The following CERS4 variants were observed in gnomAD, a reference collection of about 807,000 sequenced individuals.
CERS4 encodes the protein LAG1 homolog, ceramide synthase 4.
In CERS4, 65 loss-of-function variants were observed where a neutral mutation model predicts 51.8. The ratio of observed to expected loss-of-function variants is 1.26; its 90% CI spans 1.03 to 1.54. The LOEUF (loss-of-function observed/expected upper bound fraction) is 1.54, where lower values mean the gene tolerates loss of function less well. Among genes scored for constraint, CERS4 ranks in the 40% most tolerant of loss-of-function variants. The pLI is 0.00. For missense variants in CERS4, 563 were observed against 500.4 expected (o/e 1.13, Z -1.19); for synonymous variants, 228 against 208.4 (o/e 1.09, Z -0.81).
At chr19:8,257,677 G>A (rs147110014) in intron 9 of CERS4, among the ~76,000 whole-genome samples, 4,444 of 152,276 alleles carry the variant, frequency 0.029, 92 homozygotes, top group Middle Eastern at 0.044. Flanking sequence ...TGATCTGCCT[G>A]CCTCAGCCTC....
At chr19:8,261,217 G>T in intron 10 of CERS4, 1 of 157,952 alleles carries the variant, frequency 6.3e-6, no homozygotes, top group Non-Finnish European at 1.4e-5. Flanking sequence ...TTTACTCCTT[G>T]GGAGATGAGG....
intron 7 of CERS4, 89 bp downstream of exon 7, chr19:8,256,375 A>T: frequency 7.1e-7 from 1 of 1,416,584 alleles, no homozygotes; most frequent in Non-Finnish European, 9.8e-7. Context: ...GAACCCTGAC[A>T]CTACACTGTC....
At chr19:8,217,580 AG>A (rs1210714764) in intron 2 of CERS4, among the ~76,000 whole-genome samples, 1 of 139,258 alleles carries the variant, frequency 7.2e-6, no homozygotes, top group Non-Finnish European at 1.5e-5. Flanking sequence ...TCTTTCACCC[AG>A]GCTGGAGTGC....
At chr19:8,245,326 T>C (rs1009797987) in intron 2 of CERS4, among the ~76,000 whole-genome samples, 10 of 151,978 alleles carry the variant, frequency 6.6e-5, no homozygotes, top group South Asian at 2.1e-4. Flanking sequence ...TCACAGCTCA[T>C]TGCAGCCCCA....
intron 2 of CERS4, among the ~76,000 whole-genome samples, chr19:8,222,711 G>A (rs548913755): frequency 1.0e-3 from 152 of 151,490 alleles, no homozygotes; most frequent in African/African-American, 3.6e-3. Flanking sequence ...TTGGTCAGGC[G>A]GATCTTGAAC....
intron 2 of CERS4, among the ~76,000 whole-genome samples, chr19:8,241,706 T>C (rs1340104602): frequency 6.6e-6 from 1 of 152,140 alleles, no homozygotes; most frequent in Non-Finnish European, 1.5e-5. Context: ...GAGGCACAGA[T>C]AGGCCACGTT....
At chr19:8,256,395 T>G in intron 7 of CERS4, 109 bp downstream of exon 7, 1 of 1,273,670 alleles carries the variant, frequency 7.9e-7, no homozygotes, top group Non-Finnish European at 1.1e-6. Flanking sequence ...CATTCCCCAC[T>G]GAGTCCCACG....
At chr19:8,255,920 T>C in intron 6 of CERS4, 41 bp downstream of exon 6, 1 of 1,603,528 alleles carries the variant, frequency 6.2e-7, no homozygotes, top group South Asian at 1.1e-5. Flanking sequence ...ACCTGCCCCA[T>C]CCACCTGGCC....
chr19:8,257,177 G>A lies in CERS4; in HGVS notation c.741+100G>A, dbSNP rs192989328. The A allele has an allele frequency of 6.9e-4, 888 of 1,279,092 alleles. 9 individuals carry two copies. The African/African-American group carries it at 0.011, about 16-fold the overall frequency. The allele number at this position is 1,279,092 out of a possible 1,614,324, so 79.2% of individuals were successfully genotyped here. A position where few individuals can be genotyped will look rare whatever the true frequency, so the allele number is the denominator to read the frequency against. On this transcript the variant is annotated intron_variant, in intron 9 of 11. Coordinates refer to ENST00000251363, the MANE Select transcript of CERS4 (RefSeq NM_024552.3). ...ATTCCTCCCAACCTTCCTGGGAGAT[G>A]GAGCCCCACCCCTCCTGTCTTTCTC...
At chr19:8,255,238 C>G (rs1969314143) in intron 4 of CERS4, among the ~76,000 whole-genome samples, 1 of 152,148 alleles carries the variant, frequency 6.6e-6, no homozygotes, top group African/African-American at 2.4e-5. Flanking sequence ...TTTCCCTCTT[C>G]AGGTAGGGCT....
intron 2 of CERS4, among the ~76,000 whole-genome samples, chr19:8,231,851 A>ATTTTTTTTTTTTTTTTTTTTTTTTTTT (rs3042169): frequency 1.9e-5 from 2 of 104,410 alleles, no homozygotes; most frequent in African/African-American, 4.2e-5. Context: ...TGTGCCCAGC[A>ATTTTTTTTTTTTTTTTTTTTTTTTTTT]TTTTTTTTTT....
Position 8,261,851 on chromosome 19 carries a change from C to T in CERS4, c.1005+7C>T, listed in dbSNP as rs182711160. On this transcript the variant is annotated splice_region_variant and intron_variant, in intron 11 of 11. Transcript: ENST00000251363. Reference sequence around the variant, plus strand: ...CTTCATGAAGAAGGGCCAGGTATGGCTGGACCTCCCCGGGGGCCCCAGCCC... The same window carrying T: ...CTTCATGAAGAAGGGCCAGGTATGGTTGGACCTCCCCGGGGGCCCCAGCCC... The T allele has an allele frequency of 1.9e-5, 31 of 1,614,054 alleles. No homozygotes were observed. In the East Asian group the frequency reaches 6.7e-4, roughly 35 times the overall value.
At position 8,249,168 on chromosome 19, in the gene CERS4, T is replaced by C. The variant is rs547819538; in HGVS notation, c.-1-1908T>C. 4.8e-3 allele frequency among the ~76,000 whole-genome samples: 687 copies of C among 143,910 alleles called. 6 individuals are homozygous for C. Among genetic ancestry groups the C allele is most frequent in the African/African-American group, 0.017 (666 of 38,962 alleles). 94.4% of individuals were successfully genotyped at this position (143,910 alleles called of 152,430 possible). ...GATGTTTGGATGGGTGGATGGATGA[T>C]GGGTGGGTGGACAGATGTTTGGATG... is the stretch of plus-strand genomic sequence containing the variant. On this transcript the variant is annotated intron_variant, in intron 2 of 11. Coordinates refer to ENST00000251363, the MANE Select transcript of CERS4 (RefSeq NM_024552.3).
intron 2 of CERS4, among the ~76,000 whole-genome samples, chr19:8,236,702 G>A (rs57045033): frequency 0.13 from 3,117 of 23,800 alleles, 155 homozygotes; most frequent in African/African-American, 0.25. Flanking sequence ...AAAAAAAAAA[G>A]AAAGAAAGAA....
chr19:8,245,127 A>AC (rs1198999411), intron 2 of CERS4, among the ~76,000 whole-genome samples: 3 of 142,180 alleles, frequency 2.1e-5, no homozygotes, highest in Admixed American at 6.8e-5. Flanking sequence ...AAAAAAAAAA[A>AC]AAAAAAAACA....
chr19:8,216,830 T>C (rs1205372132), intron 2 of CERS4, among the ~76,000 whole-genome samples: 1 of 151,844 alleles, frequency 6.6e-6, no homozygotes. Context: ...GCGGATGGCG[T>C]TGGGGGTAGC....
chr19:8,248,753 TTGGATGGATGGATGGATGATGGG>T (rs1968905685), intron 2 of CERS4, among the ~76,000 whole-genome samples: 1 of 146,916 alleles, frequency 6.8e-6, no homozygotes, highest in Non-Finnish European at 1.5e-5. Context: ...GGACAGGTGT[TTGGATGGATGGATGGATGATGGG>T]TGGATGGATG....
At chr19:8,234,720 A>T (rs1045380978) in intron 2 of CERS4, among the ~76,000 whole-genome samples, 90 of 150,218 alleles carry the variant, frequency 6.0e-4, no homozygotes, top group African/African-American at 2.1e-3. Flanking sequence ...TGCCCAGCTA[A>T]TTTTTGCATT....
At chr19:8,237,057 ATTTC>A (rs1568515272) in intron 2 of CERS4, among the ~76,000 whole-genome samples, 1 of 143,784 alleles carries the variant, frequency 7.0e-6, no homozygotes, top group Admixed American at 7.1e-5. Context: ...AAATCTGTTT[ATTTC>A]TTAGCTTGCA....
Sources: gnomAD v4.1 joint callset for allele counts (sites outside exome capture counted in the v4.1 genomes callset) on GRCh38, gnomAD v4.1.1 for gene constraint, MANE v1.5 for transcripts, NCBI Gene and HGNC (gene_info 2026-07-23, HGNC 2026-07-21) for gene names.